The following GALNT1 variants were observed in gnomAD, a reference collection of about 807,000 sequenced individuals.
GALNT1 encodes polypeptide N-acetylgalactosaminyltransferase 1.
GALNT1 carries 17 observed loss-of-function variants against 65.7 expected under a neutral mutation model. The observed-to-expected ratio is 0.26, with a 90% CI of 0.18 to 0.39. The LOEUF is 0.39. GALNT1 is among the 10% of genes least tolerant of loss of function. GALNT1 has a pLI of 1.00. For missense variants in GALNT1, 460 were observed against 672.8 expected (o/e 0.68, Z 3.50); for synonymous variants, 210 against 219.7 (o/e 0.96, Z 0.39).
chr18:35,626,840 A>C (rs2046923694), intron 1 of GALNT1, among the ~76,000 whole-genome samples: 1 of 152,220 alleles, frequency 6.6e-6, no homozygotes, highest in Non-Finnish European at 1.5e-5. Context: ...ACAATAGCCA[A>C]AGGTTGAAAA....
At chr18:35,705,509 G>C (rs1195396805) in intron 11 of GALNT1, among the ~76,000 whole-genome samples, 2 of 152,146 alleles carry the variant, frequency 1.3e-5, no homozygotes, top group Non-Finnish European at 2.9e-5. Flanking sequence ...ATGGCCATTG[G>C]AAATGGCCTG....
chr18:35,683,663 C>A, intron 5 of GALNT1, 65 bp downstream of exon 5: 3 of 1,207,482 alleles, frequency 2.5e-6, no homozygotes, highest in Non-Finnish European at 3.5e-6. Context: ...GGTGAGTTGC[C>A]AAATTCTATA....
intron 3 of GALNT1, 66 bp downstream of exon 3, chr18:35,663,868 G>T: frequency 6.9e-7 from 1 of 1,451,968 alleles, no homozygotes; most frequent in South Asian, 1.2e-5. Flanking sequence ...TCAGTAAATT[G>T]CACTTGAGTG....
intron 11 of GALNT1, 120 bp from the exon 12 acceptor site, chr18:35,709,504 T>A: frequency 1.1e-6 from 1 of 941,638 alleles, no homozygotes; most frequent in Non-Finnish European, 1.6e-6. Context: ...TCCGTTGTCT[T>A]TTAAATAATG....
chr18:35,673,245 G>A (rs560604481), intron 3 of GALNT1, among the ~76,000 whole-genome samples: 1 of 152,230 alleles, frequency 6.6e-6, no homozygotes, highest in East Asian at 1.9e-4. Context: ...ATGGAGGAGA[G>A]CATTGGATTA....
At chr18:35,606,052 A>G (rs1724814167) in intron 1 of GALNT1, among the ~76,000 whole-genome samples, 2 of 152,200 alleles carry the variant, frequency 1.3e-5, no homozygotes, top group South Asian at 4.1e-4. Context: ...GCTTAAAACA[A>G]CAAAACTTGT....
intron 1 of GALNT1, among the ~76,000 whole-genome samples, chr18:35,607,179 G>A (rs2046660920): frequency 6.6e-6 from 1 of 152,062 alleles, no homozygotes; most frequent in Admixed American, 6.5e-5. Flanking sequence ...CAGTGCCATG[G>A]GAGAGTAAAA....
chr18:35,625,018 C>G (rs16966916), intron 1 of GALNT1, among the ~76,000 whole-genome samples: 34,180 of 152,108 alleles, frequency 0.22, 4,317 homozygotes, highest in African/African-American at 0.34. Flanking sequence ...ATGTAAATTA[C>G]TACTTGGTGC....
chr18:35,594,686 G>C (rs2046484452), intron 1 of GALNT1, among the ~76,000 whole-genome samples: 1 of 152,162 alleles, frequency 6.6e-6, no homozygotes, highest in African/African-American at 2.4e-5. Flanking sequence ...TTCTGTGTTG[G>C]AAGCTGAGCA....
In GALNT1 at chr18:35,644,076, A is replaced by C. The variant is rs116982055; in HGVS notation, c.-103-10484A>C. ...CTAATTTGAAACATTCGAGCCAATA[A>C]ATTTTATAGGAGTTTATTTACATCA... is the stretch of plus-strand genomic sequence containing the variant. On this transcript the variant is annotated intron_variant, in intron 1 of 11. Coordinates refer to ENST00000269195, the MANE Select transcript of GALNT1 (RefSeq NM_020474.4). 8.9e-3 allele frequency among the ~76,000 whole-genome samples: 1,348 copies of C among 152,278 alleles called. 21 individuals are homozygous for C. Among genetic ancestry groups the C allele is most frequent in the East Asian group, 0.046 (240 of 5,180 alleles).
At chr18:35,639,805 T>C (rs2047138252) in intron 1 of GALNT1, among the ~76,000 whole-genome samples, 1 of 152,210 alleles carries the variant, frequency 6.6e-6, no homozygotes, top group Non-Finnish European at 1.5e-5. Flanking sequence ...GATTTCTTTT[T>C]TCTTTTGTCA....
intron 1 of GALNT1, among the ~76,000 whole-genome samples, chr18:35,642,412 T>G (rs2047176614): frequency 6.6e-6 from 1 of 152,180 alleles, no homozygotes; most frequent in Admixed American, 6.5e-5. Context: ...AATAAGGCAT[T>G]GTTAAAGATA....
rs1217556631 is a variant in GALNT1 at position 35,606,819 on chromosome 18, TTTTGTG to T, written c.-104+24959_-104+24964del. On this transcript the variant is annotated intron_variant, in intron 1 of 11. Coordinates refer to ENST00000269195, the MANE Select transcript of GALNT1 (RefSeq NM_020474.4). Reference sequence around the variant, plus strand: ...TCCAGATCAGATCTCTTTGTTGATGTTTTGTGTGTGTGTGTGTGTGTGTGTGTGTGT... The same window carrying T: ...TCCAGATCAGATCTCTTTGTTGATGTTGTGTGTGTGTGTGTGTGTGTGTGT... Among the ~76,000 whole-genome samples the T allele has an allele frequency of 7.6e-5, 10 of 132,384 alleles. No individual in the cohort carries two copies. In the East Asian group the frequency reaches 1.8e-3, roughly 24 times the overall value. 86.8% of individuals were successfully genotyped at this position (132,384 alleles called of 152,430 possible).
At chr18:35,699,295 A>G (rs2048116033) in intron 9 of GALNT1, among the ~76,000 whole-genome samples, 1 of 152,180 alleles carries the variant, frequency 6.6e-6, no homozygotes, top group Admixed American at 6.5e-5. Context: ...GACCATATTG[A>G]TATTCAGGAG....
intron 1 of GALNT1, among the ~76,000 whole-genome samples, chr18:35,585,433 G>A (rs1459648044): frequency 6.6e-6 from 1 of 152,158 alleles, no homozygotes; most frequent in African/African-American, 2.4e-5. Flanking sequence ...GTGTTTAAGG[G>A]TAGGGATAAC....
chr18:35,676,777 C>T (rs933525837), intron 3 of GALNT1, among the ~76,000 whole-genome samples: 39 of 152,154 alleles, frequency 2.6e-4, no homozygotes, highest in Admixed American at 2.4e-3. Flanking sequence ...GGTTACCTGC[C>T]GCTGTTACTG....
chr18:35,630,881 G>A (rs1221681520), intron 1 of GALNT1, among the ~76,000 whole-genome samples: 2 of 152,192 alleles, frequency 1.3e-5, no homozygotes, highest in Non-Finnish European at 2.9e-5. Flanking sequence ...TATCACCACT[G>A]ATCCCACAGA....
chr18:35,590,390 C>CT (rs1159526553), intron 1 of GALNT1, among the ~76,000 whole-genome samples: 20 of 152,240 alleles, frequency 1.3e-4, no homozygotes, highest in African/African-American at 4.8e-4. Context: ...GTAAAGATGT[C>CT]TAAGTATTGG....
intron 1 of GALNT1, among the ~76,000 whole-genome samples, chr18:35,639,521 T>A (rs1301851029): frequency 6.6e-6 from 1 of 152,194 alleles, no homozygotes; most frequent in African/African-American, 2.4e-5. Context: ...TTTATTTTGG[T>A]AGTCAGGAAC....
Sources: allele counts gnomAD v4.1 joint callset (sites outside exome capture counted in the v4.1 genomes callset), GRCh38; gene constraint gnomAD v4.1.1; transcripts MANE v1.5; gene names NCBI Gene and HGNC (gene_info 2026-07-23, HGNC 2026-07-21).